Variants in DNAH3 observed in about 807,000 individuals in gnomAD.
DNAH3 encodes dynein axonemal heavy chain 3.
DNAH3 carries 332 observed loss-of-function variants against 432.5 expected under a neutral mutation model. That is an observed-to-expected ratio of 0.77 (90% CI 0.70 to 0.84). DNAH3 has a LOEUF of 0.84. DNAH3 is among the 40% of genes least tolerant of loss of function. DNAH3 has a pLI of 0.00. For missense variants in DNAH3, 4,861 were observed against 5,114.0 expected, an observed-to-expected ratio of 0.95 and a Z score of 1.51; for synonymous variants, 1,956 against 1,900.2, an observed-to-expected ratio of 1.03 and a Z score of -0.76.
chr16:21,092,698 CA>C (rs61277332), intron 18 of DNAH3, among the ~76,000 whole-genome samples: 328 of 11,502 alleles, frequency 0.029, no homozygotes, highest in African/African-American at 0.093. Flanking sequence ...AAAATATTTG[CA>C]AAAAAAAAAA....
chr16:20,951,738 A>ATTTTT (rs869256566), intron 56 of DNAH3, among the ~76,000 whole-genome samples: 11 of 73,466 alleles, frequency 1.5e-4, no homozygotes, highest in Admixed American at 3.2e-4. Flanking sequence ...CCTGGCCCGT[A>ATTTTT]TTTTTTTTTT....
intron 17 of DNAH3, among the ~76,000 whole-genome samples, chr16:21,098,342 G>A (rs562802148): frequency 4.6e-5 from 7 of 151,752 alleles, no homozygotes; most frequent in East Asian, 1.9e-4. Context: ...GGAAGGCTGA[G>A]GCAGGAGAAT....
chr16:21,022,671 G>A lies in DNAH3; in HGVS notation c.5647-571C>T, dbSNP rs916559963. On this transcript the variant is annotated intron_variant, in intron 39 of 61. Transcript: ENST00000261383. ...CATTTACTCTTTTAAAAAGTTATCC[G>A]ACTTGCTTTTCTTGTAATGCTTTTT... 4.0e-5 allele frequency among the ~76,000 whole-genome samples: 6 copies of A among 151,762 alleles called. No individual in the cohort carries two copies. The South Asian group carries it at 8.3e-4, about 21-fold the overall frequency.
intron 56 of DNAH3, among the ~76,000 whole-genome samples, chr16:20,950,604 T>C (rs1384971529): frequency 6.6e-6 from 1 of 152,210 alleles, no homozygotes; most frequent in Non-Finnish European, 1.5e-5. Context: ...GTATACAGTG[T>C]CTGCCACGTG....
chr16:21,139,029 T>C (rs1191510104), intron 5 of DNAH3, among the ~76,000 whole-genome samples: 2 of 152,202 alleles, frequency 1.3e-5, no homozygotes, highest in African/African-American at 2.4e-5. Flanking sequence ...ACATAGTCAC[T>C]GTGAGTTTTT....
chr16:20,965,166 C>T, exon 53 of DNAH3: 1 of 1,614,104 alleles, frequency 6.2e-7, no homozygotes, highest in South Asian at 1.1e-5. Flanking sequence ...CCCTCAGTCG[C>T]TCCCGTTTGG....
chr16:21,122,738 T>G (rs1468335328), intron 9 of DNAH3, among the ~76,000 whole-genome samples: 1 of 152,088 alleles, frequency 6.6e-6, no homozygotes, highest in Non-Finnish European at 1.5e-5. Context: ...TTGGGAAGCC[T>G]CCCTGTTTCT....
intron 14 of DNAH3, among the ~76,000 whole-genome samples, chr16:21,109,741 T>C (rs1423103447): frequency 6.6e-6 from 1 of 151,398 alleles, no homozygotes; most frequent in East Asian, 1.9e-4. Context: ...TCTCTTTTTT[T>C]TTTTTCTTTT....
chr16:21,025,296 A>G (rs946168487), intron 38 of DNAH3, among the ~76,000 whole-genome samples: 3 of 150,616 alleles, frequency 2.0e-5, no homozygotes, highest in African/African-American at 7.3e-5. Context: ...AAAAAGGGGT[A>G]CCATGTTATA....
chr16:20,988,926 T>C (rs1484776483), intron 44 of DNAH3, among the ~76,000 whole-genome samples: 2 of 152,120 alleles, frequency 1.3e-5, no homozygotes, highest in East Asian at 3.9e-4. Flanking sequence ...GCGGCATGTC[T>C]GGAGTTATTC....
chr16:21,022,635 G>A (rs961805650), intron 39 of DNAH3, among the ~76,000 whole-genome samples: 1 of 151,778 alleles, frequency 6.6e-6, no homozygotes, highest in East Asian at 1.9e-4. Context: ...TCTAGTGTCT[G>A]TTCTCCAGTC....
chr16:21,026,672 G>A (rs2088573068), intron 38 of DNAH3, among the ~76,000 whole-genome samples: 1 of 136,960 alleles, frequency 7.3e-6, no homozygotes, highest in African/African-American at 2.8e-5. Flanking sequence ...CGGGACTCCA[G>A]CCTGGGTGAC....
chr16:21,107,376 A>G (rs1290521068), intron 14 of DNAH3, among the ~76,000 whole-genome samples: 1 of 149,336 alleles, frequency 6.7e-6, no homozygotes, highest in Non-Finnish European at 1.5e-5. Flanking sequence ...AGTAGCTGGG[A>G]TTACAGGTGC....
At chr16:20,972,720 T>C (rs903716862) in intron 51 of DNAH3, among the ~76,000 whole-genome samples, 7 of 150,506 alleles carry the variant, frequency 4.7e-5, no homozygotes, top group Non-Finnish European at 8.8e-5. Context: ...GGCCTGCCCT[T>C]CTGAGACAAT....
At chr16:20,962,416 T>G (rs539228696) in intron 53 of DNAH3, among the ~76,000 whole-genome samples, 12 of 152,266 alleles carry the variant, frequency 7.9e-5, no homozygotes, top group African/African-American at 2.9e-4. Context: ...ACTCCCCAGG[T>G]GATTCCAATG....
intron 57 of DNAH3, among the ~76,000 whole-genome samples, chr16:20,944,903 C>T (rs1160046714): frequency 3.3e-5 from 5 of 152,182 alleles, no homozygotes; most frequent in Non-Finnish European, 4.4e-5. Context: ...CTGGCTTCCT[C>T]TCTGCTCCCC....
chr16:21,027,490 T>C (rs757467190), intron 37 of DNAH3, among the ~76,000 whole-genome samples: 4 of 152,236 alleles, frequency 2.6e-5, no homozygotes, highest in Non-Finnish European at 5.9e-5. Context: ...TGTATTTATT[T>C]AGTGATGGCC....
chr16:21,074,146 C>G (rs955231238), intron 21 of DNAH3, among the ~76,000 whole-genome samples: 2 of 152,088 alleles, frequency 1.3e-5, no homozygotes, highest in African/African-American at 4.8e-5. Context: ...CCTTTTCACC[C>G]CTACAGCTCT....
chr16:21,042,282 T>C, intron 31 of DNAH3, 79 bp from the exon 32 acceptor site: 1 of 1,431,918 alleles, frequency 7.0e-7, no homozygotes, highest in Non-Finnish European at 9.4e-7. Flanking sequence ...TCCTCCCACA[T>C]AGCAAAGAAA....
Sources: gnomAD v4.1 joint callset for allele counts (sites outside exome capture counted in the v4.1 genomes callset) on GRCh38, gnomAD v4.1.1 for gene constraint, MANE v1.5 for transcripts, NCBI Gene and HGNC (gene_info 2026-07-23, HGNC 2026-07-21) for gene names.